The following CPNE4 variants were observed in gnomAD, a reference collection of about 807,000 sequenced individuals.
CPNE4 encodes the protein copine 4.
Under a neutral mutation model 67.9 loss-of-function variants are expected in CPNE4, and 25 were observed. That is an observed-to-expected ratio of 0.37 (90% CI 0.27 to 0.51). The LOEUF (loss-of-function observed/expected upper bound fraction) is 0.51, where lower values mean the gene tolerates loss of function less well. Among genes scored for constraint, CPNE4 ranks in the 20% least tolerant of loss-of-function variants. CPNE4 has a pLI of 0.93. For missense variants in CPNE4, 464 were observed against 690.8 expected, an observed-to-expected ratio of 0.67 and a Z score of 3.68; for synonymous variants, 242 against 244.9, an observed-to-expected ratio of 0.99 and a Z score of 0.11.
intron 1 of CPNE4, among the ~76,000 whole-genome samples, chr3:131,997,686 G>C (rs955323504): frequency 2.0e-5 from 3 of 152,076 alleles, no homozygotes; most frequent in African/African-American, 7.2e-5. Context: ...GCAATATGGA[G>C]AACATTTTTA....
intron 2 of CPNE4, among the ~76,000 whole-genome samples, chr3:131,792,925 G>GTGTGTGCGTGTATA (rs58502463): frequency 7.4e-6 from 1 of 135,142 alleles, no homozygotes; most frequent in African/African-American, 2.9e-5. Flanking sequence ...GTGTGTGTGT[G>GTGTGTGCGTGTATA]TATCTCCAAC....
At chr3:131,745,800 A>T (rs1465366436) in intron 2 of CPNE4, among the ~76,000 whole-genome samples, 1 of 152,074 alleles carries the variant, frequency 6.6e-6, no homozygotes, top group East Asian at 1.9e-4. Context: ...TACTGTTGCT[A>T]TATGGTAATT....
chr3:131,789,402 A>C (rs1365361043), intron 2 of CPNE4, among the ~76,000 whole-genome samples: 1 of 152,150 alleles, frequency 6.6e-6, no homozygotes, highest in African/African-American at 2.4e-5. Context: ...TGATATAGCA[A>C]CAAGTCAAAG....
chr3:131,607,511 T>C (rs1232382397), intron 7 of CPNE4, among the ~76,000 whole-genome samples: 1 of 152,208 alleles, frequency 6.6e-6, no homozygotes, highest in East Asian at 1.9e-4. Context: ...TAGAACCTAA[T>C]TAGAAATTTC....
intron 2 of CPNE4, among the ~76,000 whole-genome samples, chr3:131,822,522 A>G (rs1319691752): frequency 6.6e-6 from 1 of 152,232 alleles, no homozygotes; most frequent in Non-Finnish European, 1.5e-5. Flanking sequence ...TAATCTGATC[A>G]TAAGTTTGCT....
intron 2 of CPNE4, among the ~76,000 whole-genome samples, chr3:131,803,695 G>A (rs1251020504): frequency 6.6e-6 from 1 of 152,198 alleles, no homozygotes; most frequent in African/African-American, 2.4e-5. Context: ...TCATACCCAA[G>A]CTGAGGAGAA....
intron 6 of CPNE4, among the ~76,000 whole-genome samples, chr3:131,676,631 G>A (rs572403580): frequency 2.7e-4 from 41 of 152,238 alleles, no homozygotes; most frequent in South Asian, 4.1e-4. Flanking sequence ...AGAACATGCT[G>A]TATTTGGTCT....
At chr3:131,679,150 T>C (rs1182064825) in intron 6 of CPNE4, among the ~76,000 whole-genome samples, 2 of 152,170 alleles carry the variant, frequency 1.3e-5, no homozygotes, top group African/African-American at 4.8e-5. Flanking sequence ...CCTAGTTCTG[T>C]CTTGAGAGAG....
chr3:131,758,157 G>A (rs1409627791), intron 2 of CPNE4, among the ~76,000 whole-genome samples: 1 of 152,162 alleles, frequency 6.6e-6, no homozygotes, highest in African/African-American at 2.4e-5. Flanking sequence ...ACCCCAGAAT[G>A]GTAGATCTAC....
rs145861935 is a variant in CPNE4, at chr3:131,986,472, A to G, written c.-2+48095T>C. Among the ~76,000 whole-genome samples, 47 of 152,344 alleles carry G rather than the reference A, an allele frequency of 3.1e-4. 1 individual carries two copies. Among genetic ancestry groups the G allele is most frequent in the African/African-American group, 1.1e-3 (47 of 41,580 alleles). ...GCATCTCCTTTAGGTTCTAGGGAAG[A>G]TAAGAGATGAGAAAAGCAGCAAACA... is the stretch of plus-strand genomic sequence containing the variant. On this transcript the variant is annotated intron_variant, in intron 1 of 15. Coordinates refer to ENST00000429747, the MANE Select transcript of CPNE4 (RefSeq NM_130808.3).
chr3:131,670,717 A>C (rs1216121458), intron 6 of CPNE4, among the ~76,000 whole-genome samples: 3 of 152,160 alleles, frequency 2.0e-5, no homozygotes, highest in African/African-American at 4.8e-5. Context: ...TTTCAGAACC[A>C]CTGCTCTAGG....
intron 7 of CPNE4, among the ~76,000 whole-genome samples, chr3:131,651,383 G>A (rs2079812375): frequency 6.6e-6 from 1 of 152,144 alleles, no homozygotes; most frequent in South Asian, 2.1e-4. Flanking sequence ...AAAGTCGTTG[G>A]TATTTCTTCT....
At chr3:131,999,632 A>G (rs916989303) in intron 1 of CPNE4, among the ~76,000 whole-genome samples, 2 of 152,100 alleles carry the variant, frequency 1.3e-5, no homozygotes, top group African/African-American at 2.4e-5. Context: ...AAAATATATG[A>G]TGGATTAATA....
At chr3:131,978,530 A>ATTT in intron 1 of CPNE4, among the ~76,000 whole-genome samples, 23 of 70,154 alleles carry the variant, frequency 3.3e-4, no homozygotes, top group South Asian at 7.3e-4. Flanking sequence ...ATATAAATAT[A>ATTT]AATATATATA....
At chr3:131,972,344 T>C (rs1248017116) in intron 1 of CPNE4, among the ~76,000 whole-genome samples, 1 of 149,690 alleles carries the variant, frequency 6.7e-6, no homozygotes, top group Non-Finnish European at 1.5e-5. Flanking sequence ...GCTAGCCAAC[T>C]TGGAGCCTCA....
intron 1 of CPNE4, among the ~76,000 whole-genome samples, chr3:131,924,252 C>T (rs951176711): frequency 1.3e-5 from 2 of 152,072 alleles, no homozygotes; most frequent in Non-Finnish European, 2.9e-5. Context: ...TCATCTTCAT[C>T]CCCCATCCCA....
chr3:131,935,601 C>T (rs2071198554), intron 1 of CPNE4, among the ~76,000 whole-genome samples: 1 of 152,030 alleles, frequency 6.6e-6, no homozygotes, highest in Non-Finnish European at 1.5e-5. Context: ...AGGATAATAG[C>T]AGAAGGCAAG....
chr3:131,986,625 C>T (rs1478855177), intron 1 of CPNE4, among the ~76,000 whole-genome samples: 2 of 152,044 alleles, frequency 1.3e-5, no homozygotes, highest in Non-Finnish European at 2.9e-5. Context: ...AGGCTGGGCC[C>T]GGTGGCTCAC....
intron 2 of CPNE4, among the ~76,000 whole-genome samples, chr3:131,779,295 A>C (rs1394547632): frequency 6.6e-6 from 1 of 152,126 alleles, no homozygotes; most frequent in African/African-American, 2.4e-5. Flanking sequence ...TATTCCTATC[A>C]AACTACCAAC....
Sources: allele counts gnomAD v4.1 joint callset (sites outside exome capture counted in the v4.1 genomes callset), GRCh38; gene constraint gnomAD v4.1.1; transcripts MANE v1.5; gene names NCBI Gene and HGNC (gene_info 2026-07-23, HGNC 2026-07-21).